CNTN1: variants seen among roughly 807,000 people sequenced by gnomAD.
The protein encoded by CNTN1 is contactin-1.
Under a neutral mutation model 126.4 loss-of-function variants are expected in CNTN1, and 38 were observed. That is an observed-to-expected ratio of 0.30 (90% CI 0.23 to 0.39). The LOEUF (loss-of-function observed/expected upper bound fraction) is 0.39, where lower values mean the gene tolerates loss of function less well. Among genes scored for constraint, CNTN1 ranks in the 10% least tolerant of loss-of-function variants. CNTN1 has a pLI of 1.00. For missense variants in CNTN1, 1,009 were observed against 1,248.4 expected (o/e 0.81, Z 2.89); for synonymous variants, 413 against 422.6 (o/e 0.98, Z 0.28).
In CNTN1 at chr12:40,859,539, ACAAC is replaced by A. The variant is rs1389678006; in HGVS notation, c.-76-48817_-76-48814del. Among the ~76,000 whole-genome samples, 4 of 84,516 alleles carry A rather than the reference ACAAC, an allele frequency of 4.7e-5. No homozygotes were observed. In the East Asian group the frequency reaches 1.2e-3, roughly 26 times the overall value. The allele number at this position is 84,516 out of a possible 152,430, so 55.4% of individuals were successfully genotyped here. ...AACAAATTGTGCAATGGAAAAAAAA[ACAAC>A]GACAAAAAGATTTTCTTTTTTTGCA... On this transcript the variant is annotated intron_variant, in intron 1 of 23. Transcript: ENST00000551295.
Position 40,955,138 on chromosome 12 carries a change from A to G in CNTN1, c.1684-3976A>G, listed in dbSNP as rs11179182. Among the ~76,000 whole-genome samples the G allele has an allele frequency of 2.1e-3, 322 of 151,790 alleles. 8 individuals carry two copies. The East Asian group carries it at 0.059, about 28-fold the overall frequency. ...GATTTTCCAGTATGACCCAACTCCT[A>G]CTCTATGACCAGCCCCAGCTTGAAG... On this transcript the variant is annotated intron_variant, in intron 14 of 23. Coordinates refer to ENST00000551295, the MANE Select transcript of CNTN1 (RefSeq NM_001843.4).
In CNTN1 at chr12:40,837,438, C is replaced by T. The variant is rs536670918; in HGVS notation, c.-76-70919C>T. Among the ~76,000 whole-genome samples, 9 of 152,272 alleles carry T rather than the reference C, an allele frequency of 5.9e-5. No individual in the cohort carries two copies. The South Asian group carries it at 1.0e-3, about 18-fold the overall frequency. ...CCCACATCACTATCATGGAATTATG[C>T]AGTCCTGACTATAGGAGAACCCCTT... is the stretch of plus-strand genomic sequence containing the variant. On this transcript the variant is annotated intron_variant, in intron 1 of 23. Coordinates refer to ENST00000551295, the MANE Select transcript of CNTN1 (RefSeq NM_001843.4).
At chr12:40,912,900 T>A (rs1945094845) in intron 3 of CNTN1, among the ~76,000 whole-genome samples, 1 of 152,172 alleles carries the variant, frequency 6.6e-6, no homozygotes, top group African/African-American at 2.4e-5. Context: ...ACAGGCCAAG[T>A]TCTGGAAGTA....
At chr12:40,821,381 A>G (rs1941437275) in intron 1 of CNTN1, among the ~76,000 whole-genome samples, 1 of 152,232 alleles carries the variant, frequency 6.6e-6, no homozygotes, top group Non-Finnish European at 1.5e-5. Flanking sequence ...ACTTAAAAAG[A>G]AAAACTGCCT....
At chr12:40,936,664 T>A in intron 9 of CNTN1, 117 bp from the exon 10 acceptor site, 1 of 1,298,258 alleles carries the variant, frequency 7.7e-7, no homozygotes, top group African/African-American at 1.5e-5. Flanking sequence ...TCAGGATGCA[T>A]ACACTATCTG....
Position 41,020,339 on chromosome 12 carries a change from C to T in CNTN1, c.2422C>T (p.Pro808Ser). 6.2e-7 allele frequency: 1 copy of T among 1,603,998 alleles called. No homozygotes were observed. The highest frequency in any genetic ancestry group is 2.2e-5 in the East Asian group (1 of 44,672). Residue 808 changes from proline (P) to serine (S), a missense_variant and splice_region_variant, in exon 20 of 24, where the codon CCC (proline) becomes TCC (serine). By Grantham distance (74) the Pro-to-Ser change is moderately conservative. Coordinates refer to ENST00000551295, the MANE Select transcript of CNTN1 (RefSeq NM_001843.4). Reference protein sequence around the residue: ...VAVINSAQDAPSEAPTEVGVK... With the variant: ...VAVINSAQDASSEAPTEVGVK... ...ATAATGTTCTCATAAAATTTCAGCTCCCAGTGAAGCCCCAACAGAAGTAGG... is the reference window on the plus strand; with the variant it reads ...ATAATGTTCTCATAAAATTTCAGCTTCCAGTGAAGCCCCAACAGAAGTAGG...
At chr12:40,697,702 A>G (rs1047072811) in intron 1 of CNTN1, among the ~76,000 whole-genome samples, 1 of 152,210 alleles carries the variant, frequency 6.6e-6, no homozygotes, top group Non-Finnish European at 1.5e-5. Context: ...TGGCTTATGT[A>G]TATCATATGT....
intron 15 of CNTN1, among the ~76,000 whole-genome samples, chr12:40,972,965 A>G (rs1947565749): frequency 6.6e-6 from 1 of 152,092 alleles, no homozygotes; most frequent in African/African-American, 2.4e-5. Context: ...GGTGTGCTGC[A>G]CCCATTAACT....
In CNTN1 at chr12:40,918,912, T is replaced by TA. The variant is rs1230139334; in HGVS notation, c.227+147dup. The TA allele has an allele frequency of 4.0e-5, 41 of 1,019,144 alleles. No homozygotes were observed. The East Asian group carries it at 8.1e-4, about 20-fold the overall frequency. 63.1% of individuals were successfully genotyped at this position (1,019,144 alleles called of 1,614,324 possible). On this transcript the variant is annotated intron_variant, in intron 4 of 23. Transcript: ENST00000551295. ...ACAAAAATATTGGCATACAAACTAT[T>TA]AAAAAAGTTGCCTAATGCTCAAATA...
In CNTN1 at chr12:40,987,474, G is replaced by A. The variant is rs545092772; in HGVS notation, c.1964-5646G>A. ...AAATTGTGTTTGATTCTATGCTGTT[G>A]TTTTCAGCGGACAAATGATAGAATA... On this transcript the variant is annotated intron_variant, in intron 16 of 23. Transcript: ENST00000551295. Among the ~76,000 whole-genome samples, 3 of 152,256 alleles carry A rather than the reference G, an allele frequency of 2.0e-5. No homozygotes were observed. The East Asian group carries it at 5.8e-4, about 29-fold the overall frequency.
intron 17 of CNTN1, among the ~76,000 whole-genome samples, chr12:41,011,751 C>T (rs1948660041): frequency 6.6e-6 from 1 of 152,178 alleles, no homozygotes; most frequent in Non-Finnish European, 1.5e-5. Context: ...ATGGAGGAAG[C>T]GTGCTGGTTT....
At chr12:41,007,226 A>AT (rs889370538) in intron 17 of CNTN1, among the ~76,000 whole-genome samples, 2 of 150,930 alleles carry the variant, frequency 1.3e-5, no homozygotes, top group African/African-American at 2.4e-5. Context: ...CGCCCGGCTA[A>AT]TTTTTTTGTA....
chr12:41,037,638 T>G (rs1043015320), intron 23 of CNTN1, among the ~76,000 whole-genome samples: 1 of 150,694 alleles, frequency 6.6e-6, no homozygotes, highest in East Asian at 1.9e-4. Flanking sequence ...AATACATTGA[T>G]GTTTAAAGGG....
At chr12:40,813,050 T>TCCTCCTTCCTTCCTTCCTTC (rs1233595227) in intron 1 of CNTN1, among the ~76,000 whole-genome samples, 6 of 132,078 alleles carry the variant, frequency 4.5e-5, no homozygotes, top group African/African-American at 1.7e-4. Flanking sequence ...TTTCTTTCTT[T>TCCTCCTTCCTTCCTTCCTTC]CTTTCTTTCT....
chr12:40,960,984 A>G (rs987327980), intron 15 of CNTN1, among the ~76,000 whole-genome samples: 2 of 152,078 alleles, frequency 1.3e-5, no homozygotes, highest in African/African-American at 4.8e-5. Context: ...ACCATAGAAT[A>G]CTCTGTAATA....
chr12:40,737,020 G>C (rs1386938744), intron 1 of CNTN1, among the ~76,000 whole-genome samples: 1 of 151,848 alleles, frequency 6.6e-6, no homozygotes, highest in Non-Finnish European at 1.5e-5. Flanking sequence ...ATAGAAATGA[G>C]TGAAACTGAT....
chr12:40,933,625 G>T lies in CNTN1; in HGVS notation c.803+65G>T, dbSNP rs56323985. On this transcript the variant is annotated intron_variant, in intron 8 of 23. Coordinates refer to ENST00000551295, the MANE Select transcript of CNTN1 (RefSeq NM_001843.4). ...GTACCATTTTAGGAAATAAATAATTGTTTAGCTATAAACATAAAGTAATTG... is the reference window on the plus strand; with the variant it reads ...GTACCATTTTAGGAAATAAATAATTTTTTAGCTATAAACATAAAGTAATTG... The T allele has an allele frequency of 0.074, 113,227 of 1,536,968 alleles. 4,958 individuals are homozygous for T. The highest frequency in any genetic ancestry group is 0.18 in the African/African-American group (13,335 of 73,220).
chr12:40,955,952 T>G (rs1309181396), intron 14 of CNTN1, among the ~76,000 whole-genome samples: 1 of 152,050 alleles, frequency 6.6e-6, no homozygotes, highest in East Asian at 1.9e-4. Flanking sequence ...GTATACCCTA[T>G]TCACTGTGGC....
chr12:40,737,514 A>G (rs934786375), intron 1 of CNTN1, among the ~76,000 whole-genome samples: 1 of 151,816 alleles, frequency 6.6e-6, no homozygotes, highest in Non-Finnish European at 1.5e-5. Flanking sequence ...GACAGGAAGC[A>G]TTCAGCATGG....
Sources: allele counts gnomAD v4.1 joint callset (sites outside exome capture counted in the v4.1 genomes callset), GRCh38; gene constraint gnomAD v4.1.1; transcripts MANE v1.5; gene names NCBI Gene and HGNC (gene_info 2026-07-23, HGNC 2026-07-21).